ERC1: variants seen among roughly 807,000 people sequenced by gnomAD.
The protein encoded by ERC1 is RAB6 interacting protein 2.
Under a neutral mutation model 132.0 loss-of-function variants are expected in ERC1, and 56 were observed. That is an observed-to-expected ratio of 0.42 (90% CI 0.34 to 0.53). ERC1 has a LOEUF of 0.53. Among genes scored for constraint, ERC1 ranks in the 20% least tolerant of loss-of-function variants. The pLI is 0.03. For missense variants in ERC1, 1,202 were observed against 1,349.9 expected, an observed-to-expected ratio of 0.89 and a Z score of 1.72; for synonymous variants, 478 against 476.1, an observed-to-expected ratio of 1.00 and a Z score of -0.05.
At chr12:1,187,438 A>T (rs983408911) in intron 11 of ERC1, among the ~76,000 whole-genome samples, 55 of 148,180 alleles carry the variant, frequency 3.7e-4, no homozygotes, top group African/African-American at 1.2e-3. Context: ...TTATTATTTT[A>T]TTTTTTTTTG....
chr12:1,389,131 TA>T (rs1177282712), intron 16 of ERC1, among the ~76,000 whole-genome samples: 1 of 152,182 alleles, frequency 6.6e-6, no homozygotes, highest in African/African-American at 2.4e-5. Flanking sequence ...TCTGGCCAAG[TA>T]AGTGGAAGTG....
intron 2 of ERC1, among the ~76,000 whole-genome samples, chr12:1,041,210 T>C (rs1970161286): frequency 4.0e-5 from 2 of 49,400 alleles, no homozygotes; most frequent in East Asian, 4.4e-3. Flanking sequence ...TCTCTCTTTC[T>C]TTTTTTTTTT....
At position 1,408,188 on chromosome 12, in the gene ERC1, G is replaced by T; in HGVS notation, c.2965G>T (p.Asp989Tyr). 1.2e-6 allele frequency: 2 copies of T among 1,613,958 alleles called. No individual in the cohort carries two copies. The highest frequency in any genetic ancestry group is 2.2e-5 in the East Asian group (1 of 44,868). The change falls in exon 17 of 19, where the codon GAT (aspartate) becomes TAT (tyrosine). Residue 989 changes from aspartate (D) to tyrosine (Y), a missense_variant. Asp to Tyr is a radical substitution (Grantham distance 160). Coordinates refer to ENST00000360905, the MANE Select transcript of ERC1 (RefSeq NM_178040.4). ...RMKLMADNYE[D>Y]DHFKSSHSNQ... ...GAAGCTAATGGCCGACAACTACGAG[G>T]ATGACCACTTCAAATCCTCCCATTC...
At chr12:1,130,691 A>G (rs1252771292) in intron 7 of ERC1, among the ~76,000 whole-genome samples, 1 of 143,176 alleles carries the variant, frequency 7.0e-6, no homozygotes. Flanking sequence ...GACTATTTTG[A>G]TATCTGAGCT....
rs79370333 is a variant in ERC1 at position 1,188,919 on chromosome 12, T to C, written c.2158-940T>C. ...CATTATACATACATGGCTTTAGAGA[T>C]TCCAGAAGACAGCTAGGGACTTGAA... On this transcript the variant is annotated intron_variant, in intron 11 of 18. Transcript: ENST00000360905. 4.9e-4 allele frequency among the ~76,000 whole-genome samples: 75 copies of C among 152,362 alleles called. No homozygotes were observed. In the East Asian group the frequency reaches 0.013, roughly 26 times the overall value.
intron 13 of ERC1, among the ~76,000 whole-genome samples, chr12:1,253,033 A>G (rs1594562407): frequency 6.6e-6 from 1 of 152,348 alleles, no homozygotes; most frequent in East Asian, 1.9e-4. Context: ...AGAACAGGTT[A>G]AAGTCTGTCT....
chr12:1,214,661 TACATACACACACACACACAC>T (rs1454577948), intron 12 of ERC1, among the ~76,000 whole-genome samples: 9 of 118,064 alleles, frequency 7.6e-5, no homozygotes, highest in Non-Finnish European at 1.4e-4. Context: ...CGTGTGTGTA[TACATACACACACACACACAC>T]ACACACACAC....
chr12:1,335,759 C>T (rs985489841), intron 15 of ERC1, among the ~76,000 whole-genome samples: 1 of 152,042 alleles, frequency 6.6e-6, no homozygotes, highest in African/African-American at 2.4e-5. Context: ...GGGGAGGAGT[C>T]CCTCCTCCTC....
At chr12:1,134,128 C>T (rs1241722143) in intron 7 of ERC1, among the ~76,000 whole-genome samples, 1 of 151,994 alleles carries the variant, frequency 6.6e-6, no homozygotes, top group Non-Finnish European at 1.5e-5. Flanking sequence ...TCTTTTGGGT[C>T]TTTCATTTAA....
rs959345045 is a variant in ERC1, at chr12:1,236,662, G to A, written c.2352-107G>A. 70 of 1,128,218 alleles carry A rather than the reference G, an allele frequency of 6.2e-5. 1 individual carries two copies. In the South Asian group the frequency reaches 1.2e-3, roughly 20 times the overall value. 69.9% of individuals were successfully genotyped at this position (1,128,218 alleles called of 1,614,324 possible). On this transcript the variant is annotated intron_variant, in intron 12 of 18. Coordinates refer to ENST00000360905, the MANE Select transcript of ERC1 (RefSeq NM_178040.4). ...AAAATTTCGCAGCATGTATTTATTC[G>A]TTGGTTTTCAGCCATTCCTTATTGT...
chr12:1,154,505 G>C (rs76171884), intron 8 of ERC1, among the ~76,000 whole-genome samples: 4,160 of 151,938 alleles, frequency 0.027, 87 homozygotes, highest in Non-Finnish European at 0.043. Context: ...TGGCTCAGGC[G>C]AAGGATTTAT....
chr12:1,362,730 CT>C (rs2086255006), intron 15 of ERC1, among the ~76,000 whole-genome samples: 1 of 152,062 alleles, frequency 6.6e-6, no homozygotes, highest in African/African-American at 2.4e-5. Context: ...GGGTGTTAGC[CT>C]TTCATAGGTG....
chr12:1,116,924 T>C (rs1272847848), intron 7 of ERC1, among the ~76,000 whole-genome samples: 1 of 152,220 alleles, frequency 6.6e-6, no homozygotes, highest in African/African-American at 2.4e-5. Context: ...CTATTGGCTA[T>C]GACTTCAGTT....
At chr12:1,321,500 T>C (rs932387315) in intron 15 of ERC1, among the ~76,000 whole-genome samples, 8 of 152,162 alleles carry the variant, frequency 5.3e-5, no homozygotes, top group African/African-American at 1.7e-4. Context: ...GCAGCTTCTG[T>C]TTTGAATTAT....
intron 15 of ERC1, among the ~76,000 whole-genome samples, chr12:1,368,939 T>A (rs957728629): frequency 6.6e-6 from 1 of 152,130 alleles, no homozygotes; most frequent in Admixed American, 6.6e-5. Flanking sequence ...GAGTATACGT[T>A]GTAAATGGAA....
At chr12:995,036 C>T (rs1960522352) in intron 1 of ERC1, among the ~76,000 whole-genome samples, 1 of 150,684 alleles carries the variant, frequency 6.6e-6, no homozygotes, top group Non-Finnish European at 1.5e-5. Context: ...GCGGAGGTTG[C>T]AGTGAGTGGA....
intron 12 of ERC1, among the ~76,000 whole-genome samples, chr12:1,207,925 T>C (rs143022782): frequency 6.6e-6 from 1 of 152,336 alleles, no homozygotes; most frequent in East Asian, 1.9e-4. Flanking sequence ...AAATCATCTT[T>C]TAGTATGTCT....
intron 2 of ERC1, among the ~76,000 whole-genome samples, chr12:1,028,795 G>C (rs1967377608): frequency 6.7e-6 from 1 of 150,174 alleles, no homozygotes; most frequent in African/African-American, 2.5e-5. Flanking sequence ...ATTCTTGCTT[G>C]GTTCTTTTCT....
At chr12:1,045,961 A>C (rs901270975) in intron 2 of ERC1, among the ~76,000 whole-genome samples, 7 of 152,272 alleles carry the variant, frequency 4.6e-5, no homozygotes, top group African/African-American at 1.4e-4. Flanking sequence ...ATAATCAGTC[A>C]ACATCAGCAG....
Sources: allele counts gnomAD v4.1 joint callset (sites outside exome capture counted in the v4.1 genomes callset), GRCh38; gene constraint gnomAD v4.1.1; transcripts MANE v1.5; gene names NCBI Gene and HGNC (gene_info 2026-07-23, HGNC 2026-07-21).